PCNX2: variants seen among roughly 807,000 people sequenced by gnomAD.
PCNX2 encodes the protein pecanex-like protein 2.
In PCNX2, 168 loss-of-function variants were observed where a neutral mutation model predicts 223.8. That is an observed-to-expected ratio of 0.75 (90% CI 0.66 to 0.85). PCNX2 has a LOEUF of 0.85. PCNX2 is among the 40% of genes least tolerant of loss of function. The probability of loss-of-function intolerance (pLI) is 0.00; values close to 1 mark genes in which losing one functional copy is unlikely to be tolerated. For missense variants in PCNX2, 2,507 were observed against 2,675.5 expected (o/e 0.94, Z 1.39); for synonymous variants, 1,006 against 1,052.6 (o/e 0.96, Z 0.86).
At chr1:233,110,705 A>G (rs538498094) in intron 21 of PCNX2, among the ~76,000 whole-genome samples, 1 of 152,196 alleles carries the variant, frequency 6.6e-6, no homozygotes, top group South Asian at 2.1e-4. Context: ...TTCTTAGCAT[A>G]TGTAAGAATA....
At chr1:233,007,623 C>T (rs1670330273) in intron 28 of PCNX2, among the ~76,000 whole-genome samples, 1 of 152,188 alleles carries the variant, frequency 6.6e-6, no homozygotes, top group African/African-American at 2.4e-5. Flanking sequence ...CTGCAACCTC[C>T]ACCTCCCAGG....
At chr1:233,018,844 A>C in intron 26 of PCNX2, 1 of 985,472 alleles carries the variant, frequency 1.0e-6, no homozygotes, top group Non-Finnish European at 1.2e-6. Flanking sequence ...GTTAGAAACA[A>C]ACGCTTAATT....
At chr1:233,113,583 T>A (rs1181809110) in intron 21 of PCNX2, among the ~76,000 whole-genome samples, 1 of 152,198 alleles carries the variant, frequency 6.6e-6, no homozygotes, top group Non-Finnish European at 1.5e-5. Flanking sequence ...CTGCCTCTTG[T>A]AAGATGTTGT....
intron 12 of PCNX2, 37 bp from the exon 13 acceptor site, chr1:233,208,726 A>G: frequency 6.6e-7 from 1 of 1,509,638 alleles, no homozygotes; most frequent in Non-Finnish European, 8.9e-7. Context: ...GGTACCTCTT[A>G]TTTTGATTAA....
chr1:233,040,615 C>T (rs1397329266), intron 25 of PCNX2, among the ~76,000 whole-genome samples: 1 of 152,170 alleles, frequency 6.6e-6, no homozygotes, highest in Non-Finnish European at 1.5e-5. Flanking sequence ...ATCTCATTGC[C>T]ATCTCCTATG....
chr1:233,047,225 C>T (rs1441392391), intron 25 of PCNX2: 1 of 353,538 alleles, frequency 2.8e-6, no homozygotes, highest in African/African-American at 2.2e-5. Context: ...GCATTGCTAT[C>T]CTAAACCACG....
intron 21 of PCNX2, among the ~76,000 whole-genome samples, chr1:233,106,290 T>C (rs1674767849): frequency 6.6e-6 from 1 of 152,062 alleles, no homozygotes. Flanking sequence ...TAGCTCTCTC[T>C]TCCTTGTGGA....
Position 233,175,052 on chromosome 1 carries a change from C to A in PCNX2, c.3273+2750G>T, listed in dbSNP as rs61823893. ...GGGCAGAGGGCTAGAAAACTGAAAT[C>A]TAATGAGGCTCCCTGAGGGGTTCTC... On this transcript the variant is annotated intron_variant, in intron 17 of 33. Coordinates refer to ENST00000258229, the MANE Select transcript of PCNX2 (RefSeq NM_014801.4). 7.1e-3 allele frequency among the ~76,000 whole-genome samples: 1,075 copies of A among 152,196 alleles called. 8 individuals are homozygous for A. The highest frequency in any genetic ancestry group is 0.011 in the Non-Finnish European group (771 of 68,004).
At chr1:233,092,617 G>A (rs1447887437) in intron 22 of PCNX2, among the ~76,000 whole-genome samples, 1 of 152,076 alleles carries the variant, frequency 6.6e-6, no homozygotes, top group East Asian at 1.9e-4. Context: ...AAATATGAAA[G>A]TCTGTCACTA....
chr1:233,245,371 T>C lies in PCNX2; in HGVS notation c.2222+5368A>G, dbSNP rs189606637. Reference sequence around the variant, plus strand: ...GGAAAAGAAGCATAACAGAGGCAGATTGTAACTTGAGCTTTCAAAGATGAG... The same window carrying C: ...GGAAAAGAAGCATAACAGAGGCAGACTGTAACTTGAGCTTTCAAAGATGAG... On this transcript the variant is annotated intron_variant, in intron 8 of 33. Transcript: ENST00000258229. Among the ~76,000 whole-genome samples the C allele has an allele frequency of 1.1e-3, 164 of 152,336 alleles. 1 individual carries two copies. Among genetic ancestry groups the C allele is most frequent in the African/African-American group, 3.8e-3 (159 of 41,578 alleles).
At chr1:233,117,359 C>A (rs1675470942) in intron 21 of PCNX2, among the ~76,000 whole-genome samples, 1 of 150,788 alleles carries the variant, frequency 6.6e-6, no homozygotes, top group South Asian at 2.1e-4. Context: ...CGGCCTGGCG[C>A]GGTTGCTCAC....
chr1:233,040,101 G>A (rs1035714022), intron 25 of PCNX2, among the ~76,000 whole-genome samples: 8 of 152,158 alleles, frequency 5.3e-5, no homozygotes, highest in Admixed American at 4.6e-4. Context: ...ATGTCACCAT[G>A]CATTTACGGT....
At chr1:233,275,211 A>G (rs1452280176) in intron 1 of PCNX2, among the ~76,000 whole-genome samples, 1 of 152,154 alleles carries the variant, frequency 6.6e-6, no homozygotes, top group Non-Finnish European at 1.5e-5. Context: ...AAATAAATGA[A>G]TACTGTCTCT....
At chr1:233,306,454 T>G in the PCNX2 span, among the ~76,000 whole-genome samples, 1 of 152,208 alleles carries the variant, frequency 6.6e-6, no homozygotes, top group Non-Finnish European at 1.5e-5. Flanking sequence ...GGTTTGGATG[T>G]CAACACTAGT....
chr1:233,259,869 CAAT>C, intron 4 of PCNX2: 1 of 883,800 alleles, frequency 1.1e-6, no homozygotes, highest in Non-Finnish European at 1.4e-6. Context: ...TGAAACACAA[CAAT>C]AAAAATAAAA....
chr1:233,128,394 G>C (rs1484886042), intron 21 of PCNX2, among the ~76,000 whole-genome samples: 5 of 152,038 alleles, frequency 3.3e-5, no homozygotes, highest in Non-Finnish European at 4.4e-5. Flanking sequence ...GAGTGCAATG[G>C]GATTATCTTG....
intron 14 of PCNX2, among the ~76,000 whole-genome samples, chr1:233,199,477 G>A (rs1680928547): frequency 6.6e-6 from 1 of 152,070 alleles, no homozygotes; most frequent in South Asian, 2.1e-4. Flanking sequence ...GTACGTGTAT[G>A]TGTTATGGGG....
At chr1:233,203,174 C>G (rs1234241799) in intron 13 of PCNX2, among the ~76,000 whole-genome samples, 1 of 152,218 alleles carries the variant, frequency 6.6e-6, no homozygotes, top group East Asian at 1.9e-4. Flanking sequence ...TTTCCAGACC[C>G]CATACAGGCC....
chr1:233,173,052 G>C (rs1348656983), intron 17 of PCNX2, among the ~76,000 whole-genome samples: 3 of 151,950 alleles, frequency 2.0e-5, no homozygotes, highest in African/African-American at 7.3e-5. Flanking sequence ...ATTTAATTTT[G>C]ACATAATACA....
Sources: gnomAD v4.1 joint callset for allele counts (sites outside exome capture counted in the v4.1 genomes callset) on GRCh38, gnomAD v4.1.1 for gene constraint, MANE v1.5 for transcripts, NCBI Gene and HGNC (gene_info 2026-07-23, HGNC 2026-07-21) for gene names.